Variants in MKRN1 observed in about 807,000 individuals in gnomAD.
MKRN1 encodes E3 ubiquitin-protein ligase makorin-1.
In MKRN1, 9 loss-of-function variants were observed where a neutral mutation model predicts 55.5. That is an observed-to-expected ratio of 0.16 (90% CI 0.10 to 0.28). The LOEUF (loss-of-function observed/expected upper bound fraction) is 0.28, where lower values mean the gene tolerates loss of function less well. Among genes scored for constraint, MKRN1 ranks in the 10% least tolerant of loss-of-function variants. The pLI is 1.00. For missense variants in MKRN1, 488 were observed against 626.7 expected, an observed-to-expected ratio of 0.78 and a Z score of 2.36; for synonymous variants, 253 against 235.9, an observed-to-expected ratio of 1.07 and a Z score of -0.66.
At chr7:140,463,680 T>G (rs774234396) in intron 2 of MKRN1, among the ~76,000 whole-genome samples, 6 of 151,890 alleles carry the variant, frequency 4.0e-5, no homozygotes, top group African/African-American at 9.7e-5. Context: ...GGTCAGGAGA[T>G]GGAGACCATC....
In MKRN1 at chr7:140,456,540, C is replaced by T. The variant is rs144344762; in HGVS notation, c.986+112G>A. 79 of 1,480,422 alleles carry T rather than the reference C, an allele frequency of 5.3e-5. No individual in the cohort carries two copies. The African/African-American group carries it at 1.0e-3, about 19-fold the overall frequency. The allele number at this position is 1,480,422 out of a possible 1,614,324, so 91.7% of individuals were successfully genotyped here. A position where few individuals can be genotyped will look rare whatever the true frequency, so the allele number is the denominator to read the frequency against. Reference sequence around the variant, plus strand: ...AATCCCCATTAGAATATCCCAGTTTCAAGATAAAATGCATGCATTTAAATG... The same window carrying T: ...AATCCCCATTAGAATATCCCAGTTTTAAGATAAAATGCATGCATTTAAATG... On this transcript the variant is annotated intron_variant, in intron 5 of 7. Transcript: ENST00000255977.
rs1794381333 is a variant in MKRN1 at position 140,453,348 on chromosome 7, C to T, written c.*1169G>A. On this transcript the variant is annotated 3_prime_UTR_variant, in exon 8 of 8. Transcript: ENST00000255977. ...GGTGGAAAAGTATGACTTATCACTG[C>T]AAACCCATTACTCCACTACAATAAA... The T allele has an allele frequency of 6.6e-6, 1 of 152,570 alleles. No individual in the cohort carries two copies. The highest frequency in any genetic ancestry group is 2.1e-4 in the South Asian group (1 of 4,820). The allele number at this position is 152,570 out of a possible 1,614,324, so 9.5% of individuals were successfully genotyped here. A position where few individuals can be genotyped will look rare whatever the true frequency, so the allele number is the denominator to read the frequency against.
intron 7 of MKRN1, 100 bp from the exon 8 acceptor site, chr7:140,454,829 G>A (rs1385935035): frequency 6.4e-6 from 8 of 1,253,008 alleles, no homozygotes; most frequent in African/African-American, 6.0e-5. Flanking sequence ...AGGGCATGAC[G>A]AACCAGACTT....
rs776656605 is a variant in MKRN1 at position 140,459,221 on chromosome 7, C to T, written c.557G>A (p.Cys186Tyr). Residue 186 changes from cysteine to tyrosine, a missense_variant, in exon 4 of 8, where the codon TGC (cysteine) becomes TAC (tyrosine). Around this residue, in one of 2 missense-constraint regions of MKRN1, gnomAD observed 278 missense variants for 406.7 expected, o/e 0.68. Transcript: ENST00000255977. ...TGAGCCCTGCAGGGGTGCTTCAGTG[C>T]AGGAAGGCGCAGCTGAAAATGTGTA... ...QPYCGRTAPS[C>Y]TEAPLQGSVT... 3.1e-6 allele frequency: 5 copies of T among 1,613,760 alleles called. No individual in the cohort carries two copies. The highest frequency in any genetic ancestry group is 1.7e-5 in the Admixed American group (1 of 59,968).
Position 140,454,264 on chromosome 7 carries a change from T to A in MKRN1, c.*253A>T. ...GATGACGCAACACACCTACACTAAC[T>A]GTCTGACAGTTAAATTCGTGTTACA... On this transcript the variant is annotated 3_prime_UTR_variant, in exon 8 of 8. Coordinates refer to ENST00000255977, the MANE Select transcript of MKRN1 (RefSeq NM_013446.4). The A allele has an allele frequency of 2.0e-6, 1 of 508,572 alleles. No individual in the cohort carries two copies. The highest frequency in any genetic ancestry group is 1.9e-5 in the African/African-American group (1 of 51,944). The allele number at this position is 508,572 out of a possible 1,614,324, so 31.5% of individuals were successfully genotyped here. A position where few individuals can be genotyped will look rare whatever the true frequency, so the allele number is the denominator to read the frequency against.
At chr7:140,479,132 C>T (rs1349413316) in intron 1 of MKRN1, 28 bp downstream of exon 1, 3 of 1,303,036 alleles carry the variant, frequency 2.3e-6, no homozygotes, top group Non-Finnish European at 2.9e-6. Context: ...CCTCCCCGCG[C>T]CCGGCGCTCC....
intron 1 of MKRN1, chr7:140,473,210 CA>C (rs534529617): frequency 0.11 from 38,224 of 357,598 alleles, 37 homozygotes; most frequent in Middle Eastern, 0.18. Flanking sequence ...ATGATACCAC[CA>C]AAAAAAAAAA....
chr7:140,478,952 A>T, intron 1 of MKRN1: 1 of 504,704 alleles, frequency 2.0e-6, no homozygotes, highest in Non-Finnish European at 3.0e-6. Context: ...GACAGCGCTG[A>T]GGGCTCCGCG....
intron 2 of MKRN1, chr7:140,460,160 T>C (rs1288830596): frequency 2.0e-6 from 1 of 499,928 alleles, no homozygotes; most frequent in African/African-American, 2.0e-5. Context: ...GGTAGGAGAA[T>C]CACTTGAACC....
At chr7:140,471,229 T>C (rs2130340780) in intron 2 of MKRN1, among the ~76,000 whole-genome samples, 1 of 151,972 alleles carries the variant, frequency 6.6e-6, no homozygotes, top group South Asian at 2.1e-4. Flanking sequence ...TACAAAAAAC[T>C]AAATAAATGA....
At chr7:140,457,045 TTTG>T in intron 4 of MKRN1, 179 bp from the exon 5 acceptor site, 1 of 629,732 alleles carries the variant, frequency 1.6e-6, no homozygotes, top group South Asian at 2.1e-5. Context: ...TTTTTTTTTG[TTTG>T]TTTGTTTTTG....
intron 2 of MKRN1, among the ~76,000 whole-genome samples, chr7:140,468,728 C>T (rs1311785920): frequency 1.9e-5 from 2 of 107,070 alleles, no homozygotes; most frequent in South Asian, 5.8e-4. Flanking sequence ...AAAAAAAAGA[C>T]ATGCCTGGTG....
In MKRN1 at chr7:140,454,231, T is replaced by G. The variant is rs1794405423; in HGVS notation, c.*286A>C. The G allele has an allele frequency of 4.8e-6, 2 of 415,758 alleles. No homozygotes were observed. Among genetic ancestry groups the G allele is most frequent in the Non-Finnish European group, 4.5e-6 (1 of 221,448 alleles). The allele number at this position is 415,758 out of a possible 1,614,324, so 25.8% of individuals were successfully genotyped here. ...GAAAAGTCCATAAATGCAATCTGGT[T>G]GAAAACAGATGACGCAACACACCTA... On this transcript the variant is annotated 3_prime_UTR_variant, in exon 8 of 8. Transcript: ENST00000255977.
At chr7:140,477,332 TG>T (rs11353146) in intron 1 of MKRN1, among the ~76,000 whole-genome samples, 39,776 of 151,280 alleles carry the variant, frequency 0.26, 8,994 homozygotes, top group African/African-American at 0.63. Context: ...TTTTCTTTTT[TG>T]TTTTTCTTCT....
Position 140,454,612 on chromosome 7 carries a change from A to T in MKRN1, c.1354T>A (p.Leu452Met). The change falls in exon 8 of 8, where the codon TTG (leucine) becomes ATG (methionine). Residue 452 changes from leucine to methionine, a missense_variant. Coordinates refer to ENST00000255977, the MANE Select transcript of MKRN1 (RefSeq NM_013446.4). ...AGTTCGTCGTCCCCACCTGCAGCCAAAAGCATAAGCAACATCTCGCCCAGC... is the reference window on the plus strand; with the variant it reads ...AGTTCGTCGTCCCCACCTGCAGCCATAAGCATAAGCAACATCTCGCCCAGC... ...FELGEMLLML[L>M]AAGGDDELTD... 6.2e-7 allele frequency: 1 copy of T among 1,613,928 alleles called. No individual in the cohort carries two copies.
chr7:140,454,244 C>T lies in MKRN1; in HGVS notation c.*273G>A, dbSNP rs778152751. ...ATGCAATCTGGTTGAAAACAGATGA[C>T]GCAACACACCTACACTAACTGTCTG... On this transcript the variant is annotated 3_prime_UTR_variant, in exon 8 of 8. Transcript: ENST00000255977. 5.1e-5 allele frequency: 23 copies of T among 448,024 alleles called. No homozygotes were observed. The highest frequency in any genetic ancestry group is 6.9e-5 in the South Asian group (3 of 43,538). 27.8% of individuals were successfully genotyped at this position (448,024 alleles called of 1,614,324 possible). A position where few individuals can be genotyped will look rare whatever the true frequency, so the allele number is the denominator to read the frequency against.
chr7:140,479,104 A>G, intron 1 of MKRN1, 56 bp downstream of exon 1: 1 of 1,263,594 alleles, frequency 7.9e-7, no homozygotes, highest in Non-Finnish European at 9.9e-7. Flanking sequence ...CCCGCGCCGC[A>G]GGCTTGGCCC....
chr7:140,456,597 A>G, intron 5 of MKRN1, 55 bp downstream of exon 5: 1 of 1,594,380 alleles, frequency 6.3e-7, no homozygotes, highest in Non-Finnish European at 8.6e-7. Flanking sequence ...GGCACAAGTT[A>G]CTAAATTCTT....
chr7:140,466,652 A>C (rs1169817175), intron 2 of MKRN1, among the ~76,000 whole-genome samples: 2 of 148,220 alleles, frequency 1.3e-5, no homozygotes, highest in Non-Finnish European at 3.0e-5. Flanking sequence ...AAAATACAAA[A>C]AATTAGCCGG....
Sources: allele counts gnomAD v4.1 joint callset (sites outside exome capture counted in the v4.1 genomes callset), GRCh38; gene constraint gnomAD v4.1.1; regional missense constraint gnomAD v4.1.1; transcripts MANE v1.5; gene names NCBI Gene and HGNC (gene_info 2026-07-23, HGNC 2026-07-21).